The following CD163L1 variants were observed in gnomAD, a reference collection of about 807,000 sequenced individuals.
CD163L1 encodes scavenger receptor cysteine-rich type 1 protein M160.
In CD163L1, 124 loss-of-function variants were observed where a neutral mutation model predicts 165.4. The observed-to-expected ratio is 0.75, with a 90% CI of 0.65 to 0.87. The LOEUF is 0.87. Ranked by LOEUF, CD163L1 falls within the 40% of genes least tolerant of loss-of-function variation. CD163L1 has a pLI of 0.00. For synonymous variants in CD163L1, 585 were observed against 662.2 expected, an observed-to-expected ratio of 0.88 and a Z score of 1.79; for missense variants, 1,525 against 1,799.9, an observed-to-expected ratio of 0.85 and a Z score of 2.76.
At chr12:7,440,986 A>G (rs1001653238) in intron 2 of CD163L1, among the ~76,000 whole-genome samples, 168 bp downstream of exon 2, 2 of 152,234 alleles carry the variant, frequency 1.3e-5, no homozygotes, top group African/African-American at 4.8e-5. Context: ...GTAATATGAA[A>G]TGCATAAAAA....
chr12:7,363,391 C>T (rs1040275646), intron 18 of CD163L1, among the ~76,000 whole-genome samples: 5 of 151,376 alleles, frequency 3.3e-5, no homozygotes, highest in Non-Finnish European at 7.4e-5. Flanking sequence ...AAAGAACAAA[C>T]CAAACCCCAA....
At position 7,406,737 on chromosome 12, in the gene CD163L1, A is replaced by G; in HGVS notation, c.882T>C (p.Ala294=). The change falls in exon 5 of 20, where the codon GCT becomes GCC. Residue 294 remains alanine, a synonymous_variant. Coordinates refer to ENST00000313599, the MANE Select transcript of CD163L1 (RefSeq NM_174941.6). The part of the protein sequence containing the change: ...GTVCHHKWNN[A]AADVVCKQLG... ...ACTGCTTGCATACGACATCAGCTGC[A>G]GCATTGTTCCACTTATGGTGGCATA... The G allele has an allele frequency of 1.2e-6, 2 of 1,614,100 alleles. No individual in the cohort carries two copies. Among genetic ancestry groups the G allele is most frequent in the Non-Finnish European group, 8.5e-7 (1 of 1,179,988 alleles).
intron 8 of CD163L1, among the ~76,000 whole-genome samples, chr12:7,381,691 G>A (rs1459212661): frequency 6.6e-6 from 1 of 152,082 alleles, no homozygotes; most frequent in African/African-American, 2.4e-5. Flanking sequence ...ATAATTTTGT[G>A]TGTGGTGGTG....
At chr12:7,385,383 G>T (rs771568761) in intron 8 of CD163L1, among the ~76,000 whole-genome samples, 4 of 151,912 alleles carry the variant, frequency 2.6e-5, no homozygotes, top group African/African-American at 4.8e-5. Context: ...TAGACCTGAA[G>T]GGAGAGAGTG....
At chr12:7,417,539 G>C (rs1272995295) in intron 4 of CD163L1, among the ~76,000 whole-genome samples, 2 of 152,074 alleles carry the variant, frequency 1.3e-5, no homozygotes, top group Non-Finnish European at 2.9e-5. Context: ...TATGATATTG[G>C]CTATGGGTTT....
intron 8 of CD163L1, among the ~76,000 whole-genome samples, chr12:7,380,460 G>A (rs886744081): frequency 6.6e-6 from 1 of 151,788 alleles, no homozygotes; most frequent in African/African-American, 2.4e-5. Context: ...AAAGAGGAAT[G>A]AATTAATGGC....
chr12:7,334,207 A>G, the CD163L1 span, among the ~76,000 whole-genome samples: 1 of 152,160 alleles, frequency 6.6e-6, no homozygotes, highest in African/African-American at 2.4e-5. Flanking sequence ...TTTTAGACCA[A>G]TATCCTTGAT....
rs1296495744 is a variant in CD163L1 at position 7,347,486 on chromosome 12, AG to A, written c.*25-340del. On this transcript the variant is annotated intron_variant, in intron 4 of 4. Transcript: ENST00000539726. This position sits in a 1 kb window ranked among gnomAD's most constrained non-coding sequence, Gnocchi z 4.2. The stretch of plus-strand genomic sequence containing the variant: ...ATCTTGGTTAATTTCTAAGGTAAAA[AG>A]GAATGGTCTCGGCCGGGCGCGGTGG... 1.3e-5 allele frequency among the ~76,000 whole-genome samples: 2 copies of A among 152,198 alleles called. No homozygotes were observed. The highest frequency in any genetic ancestry group is 2.4e-5 in the African/African-American group (1 of 41,450).
In CD163L1 at chr12:7,432,082, A is replaced by G. The variant is rs1948638617; in HGVS notation, c.766+334T>C. 2.0e-5 allele frequency among the ~76,000 whole-genome samples: 3 copies of G among 152,196 alleles called. No homozygotes were observed. ...TTAGTAAAGTGGGGAAACTAGACTA[A>G]GAATGAGTGACCTCAGAGAAAGAAG... On this transcript the variant is annotated intron_variant, in intron 4 of 19. Transcript: ENST00000313599. The surrounding 1 kb of genome is among the most constrained non-coding windows in gnomAD (Gnocchi z 4.2).
chr12:7,334,011 CA>C, the CD163L1 span, among the ~76,000 whole-genome samples: 1 of 151,362 alleles, frequency 6.6e-6, no homozygotes, highest in South Asian at 2.1e-4. Flanking sequence ...GCTTACCAAC[CA>C]AAAAAAGTCC....
At chr12:7,399,321 C>CTCTCTCTTCTTTCAT (rs202111581) in intron 6 of CD163L1, among the ~76,000 whole-genome samples, 46 of 135,600 alleles carry the variant, frequency 3.4e-4, no homozygotes, top group African/African-American at 1.1e-3. Context: ...TTTCTTTCTT[C>CTCTCTCTTCTTTCAT]TCTCTCTTCT....
intron 4 of CD163L1, among the ~76,000 whole-genome samples, chr12:7,431,196 G>A (rs1591967339): frequency 6.6e-6 from 1 of 152,274 alleles, no homozygotes; most frequent in East Asian, 1.9e-4. Context: ...GCTGAGGCGG[G>A]CAGATCACAA....
the CD163L1 span, among the ~76,000 whole-genome samples, chr12:7,320,077 T>C: frequency 6.6e-6 from 1 of 152,310 alleles, no homozygotes; most frequent in Admixed American, 6.5e-5. Context: ...TCCCAAATAC[T>C]TAAGTTTAAT....
Position 7,432,738 on chromosome 12 carries a change from T to A in CD163L1, c.446-2A>T. On this transcript the variant is annotated splice_acceptor_variant, in intron 3 of 19. Transcript: ENST00000313599. LOFTEE classifies it high-confidence loss of function. The surrounding 1 kb of genome is among the most constrained non-coding windows in gnomAD (Gnocchi z 4.2). ...GCCTCAAACCCAGATTGGCTTCACC[T>A]ACGAGAAAGACAAGCAGACATATGA... 6.3e-7 allele frequency: 1 copy of A among 1,588,274 alleles called. No individual in the cohort carries two copies. Among genetic ancestry groups the A allele is most frequent in the Non-Finnish European group, 8.6e-7 (1 of 1,167,744 alleles).
chr12:7,429,233 C>T (rs1565815495), intron 4 of CD163L1, among the ~76,000 whole-genome samples: 2 of 151,914 alleles, frequency 1.3e-5, no homozygotes, highest in African/African-American at 4.8e-5. Flanking sequence ...GCTATTATGA[C>T]ATTTAAAAAT....
the CD163L1 span, among the ~76,000 whole-genome samples, chr12:7,325,032 C>A: frequency 6.6e-6 from 1 of 152,200 alleles, no homozygotes; most frequent in South Asian, 2.1e-4. Flanking sequence ...CAACCCTCCA[C>A]CCCTTCAGGG....
chr12:7,443,423 A>G (rs769159965), intron 1 of CD163L1, among the ~76,000 whole-genome samples: 2 of 152,210 alleles, frequency 1.3e-5, no homozygotes, highest in Admixed American at 6.5e-5. Context: ...ATGAAGTGCA[A>G]GTGCAAAGGT....
In CD163L1 at chr12:7,432,327, C is replaced by T; in HGVS notation, c.766+89G>A. 3.0e-6 allele frequency: 3 copies of T among 1,010,024 alleles called. No homozygotes were observed. Among genetic ancestry groups the T allele is most frequent in the Non-Finnish European group, 2.9e-6 (2 of 690,558 alleles). 62.6% of individuals were successfully genotyped at this position (1,010,024 alleles called of 1,614,324 possible). ...TGTGTTATAACCAGAGAAAATTCTT[C>T]TCCAGAGAATGATTGACCTTTTTCT... On this transcript the variant is annotated intron_variant, in intron 4 of 19. Coordinates refer to ENST00000313599, the MANE Select transcript of CD163L1 (RefSeq NM_174941.6). The surrounding 1 kb of genome is among the most constrained non-coding windows in gnomAD (Gnocchi z 4.2).
chr12:7,322,242 T>A, the CD163L1 span, among the ~76,000 whole-genome samples: 68 of 152,246 alleles, frequency 4.5e-4, no homozygotes, highest in African/African-American at 1.5e-3. Context: ...TGTGCCCCCA[T>A]ATGCCTAGAA....
Sources: gnomAD v4.1 joint callset for allele counts (sites outside exome capture counted in the v4.1 genomes callset) on GRCh38, gnomAD v4.1.1 for gene constraint, Gnocchi (gnomAD v3.1) non-coding constraint, MANE v1.5 for transcripts, NCBI Gene and HGNC (gene_info 2026-07-23, HGNC 2026-07-21) for gene names.